Variants in AFF3 observed in about 807,000 individuals in gnomAD.
AFF3 encodes the protein ALF transcription elongation factor 3, also known as AF4/FMR2 family member 3.
In AFF3, 32 loss-of-function variants were observed where a neutral mutation model predicts 129.7. The ratio of observed to expected loss-of-function variants is 0.25; its 90% CI spans 0.19 to 0.33. The LOEUF is 0.33. Ranked by LOEUF, AFF3 falls within the 10% of genes least tolerant of loss-of-function variation. AFF3 has a pLI of 1.00. For synonymous variants in AFF3, 644 were observed against 635.4 expected (o/e 1.01, Z -0.20); for missense variants, 1,373 against 1,592.0 (o/e 0.86, Z 2.34).
intron 7 of AFF3, among the ~76,000 whole-genome samples, chr2:99,928,775 A>C (rs900356382): frequency 1.3e-5 from 2 of 152,124 alleles, no homozygotes; most frequent in African/African-American, 4.8e-5. Flanking sequence ...GTGTCTTGAG[A>C]CCACCCCAAC....
chr2:99,939,611 A>C (rs2106335786), intron 7 of AFF3, among the ~76,000 whole-genome samples: 1 of 152,332 alleles, frequency 6.6e-6, no homozygotes, highest in South Asian at 2.1e-4. Context: ...TCCAACTTCC[A>C]TACTGCAGCT....
At chr2:100,099,538 C>T (rs986894354) in intron 4 of AFF3, among the ~76,000 whole-genome samples, 1 of 151,896 alleles carries the variant, frequency 6.6e-6, no homozygotes, top group South Asian at 2.1e-4. Context: ...CTTCCCACCA[C>T]GTGGTTTTCC....
intron 8 of AFF3, among the ~76,000 whole-genome samples, chr2:99,788,238 C>T (rs1213556666): frequency 6.6e-6 from 1 of 152,118 alleles, no homozygotes; most frequent in Non-Finnish European, 1.5e-5. Flanking sequence ...TCCTTCTACT[C>T]ATTAAAAAAA....
intron 11 of AFF3, among the ~76,000 whole-genome samples, chr2:99,692,297 A>C (rs1219921867): frequency 6.6e-6 from 1 of 152,176 alleles, no homozygotes; most frequent in Non-Finnish European, 1.5e-5. Flanking sequence ...TGAGCTCTCC[A>C]TGGACATGGT....
chr2:100,035,926 T>A (rs1215853841), intron 4 of AFF3, among the ~76,000 whole-genome samples: 1 of 152,062 alleles, frequency 6.6e-6, no homozygotes, highest in African/African-American at 2.4e-5. Flanking sequence ...ACACTGCAAG[T>A]AAAGAAGCAT....
chr2:100,141,277 A>G (rs1031216569), intron 1 of AFF3, among the ~76,000 whole-genome samples: 1 of 152,248 alleles, frequency 6.6e-6, no homozygotes, highest in Non-Finnish European at 1.5e-5. Flanking sequence ...ATACATATGC[A>G]TAACACCACT....
chr2:99,818,785 T>C (rs969871528), intron 8 of AFF3, among the ~76,000 whole-genome samples: 1 of 152,192 alleles, frequency 6.6e-6, no homozygotes, highest in Non-Finnish European at 1.5e-5. Flanking sequence ...AATAAATCTT[T>C]AGAAATATAG....
chr2:99,986,084 C>G (rs1022034309), intron 7 of AFF3, among the ~76,000 whole-genome samples: 3 of 151,554 alleles, frequency 2.0e-5, no homozygotes, highest in Admixed American at 1.3e-4. Flanking sequence ...GCCTATAGTC[C>G]CAGCTATTCA....
intron 7 of AFF3, among the ~76,000 whole-genome samples, chr2:99,914,774 G>C (rs942900677): frequency 1.3e-5 from 2 of 151,798 alleles, no homozygotes; most frequent in Non-Finnish European, 2.9e-5. Context: ...AAAAAAATTA[G>C]CTGGGCATGG....
At chr2:99,601,352 T>C (rs1289895686) in intron 14 of AFF3, 83 bp downstream of exon 14, 5 of 1,424,206 alleles carry the variant, frequency 3.5e-6, no homozygotes, top group Non-Finnish European at 4.6e-6. Context: ...CCTGCAGCAG[T>C]GTGACAGTGA....
chr2:99,610,354 G>A (rs1340064295), intron 13 of AFF3, among the ~76,000 whole-genome samples: 3 of 152,160 alleles, frequency 2.0e-5, no homozygotes, highest in Non-Finnish European at 4.4e-5. Context: ...GTCATTTTGA[G>A]AATGTTATAG....
chr2:99,648,917 A>ACACACACACACACACTCTCT, intron 13 of AFF3, among the ~76,000 whole-genome samples: 14 of 46,932 alleles, frequency 3.0e-4, no homozygotes, highest in Admixed American at 5.3e-4. Flanking sequence ...ACACACACAC[A>ACACACACACACACACTCTCT]CTCTCTCTCT....
At chr2:99,830,031 C>A (rs1451819716) in intron 8 of AFF3, among the ~76,000 whole-genome samples, 1 of 152,118 alleles carries the variant, frequency 6.6e-6, no homozygotes, top group Non-Finnish European at 1.5e-5. Flanking sequence ...AACAGAAAAC[C>A]AAACACTGCA....
intron 2 of AFF3, among the ~76,000 whole-genome samples, chr2:100,125,146 G>T (rs1033174056): frequency 1.3e-5 from 2 of 152,118 alleles, no homozygotes; most frequent in Non-Finnish European, 2.9e-5. Flanking sequence ...GAGACATATT[G>T]TTGAAAGTTG....
chr2:99,579,354 G>A (rs546853352), intron 17 of AFF3, among the ~76,000 whole-genome samples: 1 of 147,070 alleles, frequency 6.8e-6, no homozygotes, highest in Admixed American at 6.9e-5. Flanking sequence ...GCGGTGAGCC[G>A]AGACCATGCC....
chr2:100,120,295 A>G (rs1573460516), intron 2 of AFF3, among the ~76,000 whole-genome samples: 1 of 152,206 alleles, frequency 6.6e-6, no homozygotes, highest in East Asian at 1.9e-4. Flanking sequence ...ATTTACCCCC[A>G]TTAAGGATTC....
rs1301343898 is a variant in AFF3 at position 99,781,168 on chromosome 2, CCCTTG to C, written c.922-28872_922-28868del. ...CCTCAGGACCTTTGCACCTACTGTTCCCTTGGCCTGTCCACCCTTCTCCATGTCAG... is the reference window on the plus strand; with the variant it reads ...CCTCAGGACCTTTGCACCTACTGTTCGCCTGTCCACCCTTCTCCATGTCAG... On this transcript the variant is annotated intron_variant, in intron 8 of 24. Transcript: ENST00000672756. 2.6e-5 allele frequency among the ~76,000 whole-genome samples: 4 copies of C among 152,240 alleles called. No individual in the cohort carries two copies. The South Asian group carries it at 8.3e-4, about 32-fold the overall frequency.
Position 99,548,801 on chromosome 2 carries a change from T to TTATGATA in AFF3, c.*2672_*2673insTATCATA, listed in dbSNP as rs1363810297. ...AACAAAACTAAGTAAAAGGAACAAG[T>TTATGATA]TATGAATGACTTTCACAAGCAACAA... is the stretch of plus-strand genomic sequence containing the variant. On this transcript the variant is annotated 3_prime_UTR_variant, in exon 25 of 25. Coordinates refer to ENST00000672756, the MANE Select transcript of AFF3 (RefSeq NM_001386135.1). 1 of 232,522 alleles carries TTATGATA rather than the reference T, an allele frequency of 4.3e-6. No individual in the cohort carries two copies. The allele number at this position is 232,522 out of a possible 1,614,324, so 14.4% of individuals were successfully genotyped here.
chr2:100,016,167 G>T (rs1244263470), intron 4 of AFF3, among the ~76,000 whole-genome samples: 4 of 151,554 alleles, frequency 2.6e-5, no homozygotes, highest in African/African-American at 7.3e-5. Flanking sequence ...TGCTGGTGGT[G>T]GTGGTAGTTG....
Sources: allele counts gnomAD v4.1 joint callset (sites outside exome capture counted in the v4.1 genomes callset), GRCh38; gene constraint gnomAD v4.1.1; transcripts MANE v1.5; gene names NCBI Gene and HGNC (gene_info 2026-07-23, HGNC 2026-07-21).